Variants in CNTN4 observed in about 807,000 individuals in gnomAD.
CNTN4 encodes the protein contactin 4.
In CNTN4, 77 loss-of-function variants were observed where a neutral mutation model predicts 122.5. That is an observed-to-expected ratio of 0.63 (90% confidence interval 0.52 to 0.76). The LOEUF (loss-of-function observed/expected upper bound fraction) is 0.76. Among genes scored for constraint, CNTN4 ranks in the 30% least tolerant of loss-of-function variants. CNTN4 has a pLI of 0.00. For synonymous variants in CNTN4, 512 were observed against 447.0 expected, an observed-to-expected ratio of 1.15 and a Z score of -1.83; for missense variants, 1,256 against 1,259.1, an observed-to-expected ratio of 1.00 and a Z score of 0.04.
At chr3:2,166,033 G>A (rs1044417256) in intron 2 of CNTN4, among the ~76,000 whole-genome samples, 9 of 152,104 alleles carry the variant, frequency 5.9e-5, no homozygotes, top group South Asian at 2.1e-4. Flanking sequence ...CTGTCTCTTC[G>A]AGAGAGCTAT....
chr3:2,155,005 A>G (rs768964938), intron 2 of CNTN4, among the ~76,000 whole-genome samples: 7 of 152,186 alleles, frequency 4.6e-5, no homozygotes, highest in African/African-American at 7.2e-5. Flanking sequence ...CCCATCATCC[A>G]TCTCCTTCAG....
chr3:2,425,352 G>C (rs1406089719), intron 3 of CNTN4, among the ~76,000 whole-genome samples: 2 of 151,894 alleles, frequency 1.3e-5, no homozygotes, highest in Non-Finnish European at 2.9e-5. Flanking sequence ...TCTTGTTTTT[G>C]TCAGGTTTGT....
chr3:2,493,199 C>G (rs543800989), intron 3 of CNTN4, among the ~76,000 whole-genome samples: 125 of 152,152 alleles, frequency 8.2e-4, no homozygotes, highest in African/African-American at 2.9e-3. Context: ...AAGTTGCTGT[C>G]CATACTCTCA....
chr3:2,387,716 T>C (rs560159646), intron 3 of CNTN4, among the ~76,000 whole-genome samples: 1 of 152,350 alleles, frequency 6.6e-6, no homozygotes, highest in South Asian at 2.1e-4. Context: ...GCAGGTTTTC[T>C]TGTTTTATTT....
chr3:2,749,786 T>A (rs12488029), intron 6 of CNTN4, among the ~76,000 whole-genome samples: 91,894 of 152,060 alleles, frequency 0.6, 30,399 homozygotes, highest in Non-Finnish European at 0.74. Context: ...TTTTTCCCTA[T>A]CTTTTGTAAA....
At chr3:2,434,098 G>T (rs978574793) in intron 3 of CNTN4, among the ~76,000 whole-genome samples, 2 of 152,092 alleles carry the variant, frequency 1.3e-5, no homozygotes, top group Non-Finnish European at 2.9e-5. Flanking sequence ...ACAAAGTGAT[G>T]ACTATAATAA....
intron 7 of CNTN4, among the ~76,000 whole-genome samples, chr3:2,866,040 C>G (rs532915601): frequency 7.4e-4 from 113 of 152,184 alleles, no homozygotes; most frequent in Non-Finnish European, 1.3e-3. Flanking sequence ...TCAGTGTATA[C>G]TTAATGAGTG....
chr3:2,224,479 C>T (rs769966340), intron 2 of CNTN4, among the ~76,000 whole-genome samples: 1 of 152,172 alleles, frequency 6.6e-6, no homozygotes, highest in African/African-American at 2.4e-5. Flanking sequence ...ATGAGTTCCT[C>T]CAAATTCTAC....
At chr3:2,329,618 G>T (rs1033126148) in intron 2 of CNTN4, among the ~76,000 whole-genome samples, 4 of 152,190 alleles carry the variant, frequency 2.6e-5, no homozygotes, top group African/African-American at 7.2e-5. Flanking sequence ...CCAGGGCAGT[G>T]CAGTACAAAA....
chr3:3,051,184 A>C (rs527969099), intron 23 of CNTN4, among the ~76,000 whole-genome samples: 5 of 152,356 alleles, frequency 3.3e-5, no homozygotes, highest in African/African-American at 9.6e-5. Flanking sequence ...TTTAGAACAC[A>C]CAGTGTTCAG....
At chr3:2,514,781 G>A (rs1419909396) in intron 3 of CNTN4, among the ~76,000 whole-genome samples, 4 of 152,126 alleles carry the variant, frequency 2.6e-5, no homozygotes, top group Non-Finnish European at 5.9e-5. Context: ...TTCATGCCTG[G>A]AACGGCCTTC....
chr3:2,817,943 G>T (rs981825582), intron 6 of CNTN4, among the ~76,000 whole-genome samples: 2 of 152,128 alleles, frequency 1.3e-5, no homozygotes, highest in East Asian at 1.9e-4. Flanking sequence ...CCCTCACCTG[G>T]TGTCCATTGA....
At chr3:2,554,874 T>C (rs900240988) in intron 3 of CNTN4, among the ~76,000 whole-genome samples, 2 of 152,198 alleles carry the variant, frequency 1.3e-5, no homozygotes, top group African/African-American at 4.8e-5. Flanking sequence ...AAATGAGTTC[T>C]GAAGAACGTT....
intron 4 of CNTN4, among the ~76,000 whole-genome samples, chr3:2,649,804 C>T (rs1430571599): frequency 1.3e-5 from 2 of 151,796 alleles, no homozygotes; most frequent in East Asian, 3.9e-4. Flanking sequence ...TGAAACTCTT[C>T]TAGAAAGGAT....
At chr3:2,893,266 A>C (rs1431869371) in intron 10 of CNTN4, among the ~76,000 whole-genome samples, 1 of 152,240 alleles carries the variant, frequency 6.6e-6, no homozygotes, top group African/African-American at 2.4e-5. Context: ...AGTATCTCTA[A>C]GGTCATCAAT....
intron 2 of CNTN4, among the ~76,000 whole-genome samples, chr3:2,251,163 G>C (rs755222838): frequency 6.6e-6 from 1 of 151,748 alleles, no homozygotes; most frequent in Admixed American, 6.6e-5. Flanking sequence ...TGTTAATTTC[G>C]TGATACACCT....
chr3:2,363,096 A>C (rs2045227066), intron 3 of CNTN4, among the ~76,000 whole-genome samples: 1 of 152,206 alleles, frequency 6.6e-6, no homozygotes, highest in Admixed American at 6.5e-5. Flanking sequence ...GAACCAGTCA[A>C]AGCCTGGCTG....
At chr3:2,738,618 C>G (rs1446819315) in intron 5 of CNTN4, among the ~76,000 whole-genome samples, 1 of 152,082 alleles carries the variant, frequency 6.6e-6, no homozygotes, top group African/African-American at 2.4e-5. Context: ...AAAAAGAATA[C>G]TGTCTTGTGA....
intron 2 of CNTN4, among the ~76,000 whole-genome samples, chr3:2,118,312 A>G (rs1011082104): frequency 6.6e-6 from 1 of 152,208 alleles, no homozygotes; most frequent in African/African-American, 2.4e-5. Flanking sequence ...CTCTTAACCA[A>G]TTTGGAATCC....
Sources: gnomAD v4.1 joint callset for allele counts (sites outside exome capture counted in the v4.1 genomes callset) on GRCh38, gnomAD v4.1.1 for gene constraint, MANE v1.5 for transcripts, NCBI Gene and HGNC (gene_info 2026-07-23, HGNC 2026-07-21) for gene names.